TAF5L: variants seen among roughly 807,000 people sequenced by gnomAD.
TAF5L encodes TAF5-like RNA polymerase II p300/CBP-associated factor-associated factor 65 kDa subunit 5L.
Under a neutral mutation model 51.3 loss-of-function variants are expected in TAF5L, and 7 were observed. That is an observed-to-expected ratio of 0.14 (90% CI 0.08 to 0.26). The LOEUF (loss-of-function observed/expected upper bound fraction) is 0.26, where lower values mean the gene tolerates loss of function less well. Ranked by LOEUF, TAF5L falls within the 10% of genes least tolerant of loss-of-function variation. The pLI is 1.00. For missense variants in TAF5L, 575 were observed against 758.9 expected (o/e 0.76, Z 2.85); for synonymous variants, 291 against 308.1 (o/e 0.94, Z 0.58).
At chr1:229,605,759 G>A (rs1035205990) in intron 3 of TAF5L, among the ~76,000 whole-genome samples, 3 of 152,160 alleles carry the variant, frequency 2.0e-5, no homozygotes, top group African/African-American at 7.2e-5. Flanking sequence ...CCTAGTAGAA[G>A]GAATTCTGCC....
chr1:229,604,942 G>A (rs906420921), intron 3 of TAF5L, among the ~76,000 whole-genome samples: 1 of 151,926 alleles, frequency 6.6e-6, no homozygotes, highest in African/African-American at 2.4e-5. Context: ...TCGGATTACT[G>A]ACTTTATTTT....
intron 1 of TAF5L, among the ~76,000 whole-genome samples, chr1:229,616,720 C>T (rs1023948302): frequency 6.6e-6 from 1 of 152,078 alleles, no homozygotes; most frequent in African/African-American, 2.4e-5. Context: ...CTTTTCAATT[C>T]CCTACAAGTC....
intron 2 of TAF5L, among the ~76,000 whole-genome samples, chr1:229,611,461 G>A (rs558878996): frequency 9.9e-5 from 15 of 152,230 alleles, no homozygotes; most frequent in Admixed American, 3.3e-4. Context: ...GACTGAGGGC[G>A]CCATAACAGG....
chr1:229,602,405 G>A lies in TAF5L; in HGVS notation c.762C>T (p.Pro254=), dbSNP rs1269746240. 1 of 1,614,136 alleles carries A rather than the reference G, an allele frequency of 6.2e-7. No individual in the cohort carries two copies. Among genetic ancestry groups the A allele is most frequent in the Admixed American group, 1.7e-5 (1 of 60,024 alleles). ...CATAGAAGCAGATGGTAGTGAGGGA[G>A]GGAGGCCCATCCTTGACTCGCTTAA... is the stretch of plus-strand genomic sequence containing the variant. The change falls in exon 4 of 5, where the codon CCC becomes CCT. Residue 254 remains proline, a synonymous_variant. Transcript: ENST00000258281. The surrounding 1 kb of genome is among the most constrained non-coding windows in gnomAD (Gnocchi z 4.6).
At chr1:229,598,472 T>C (rs759595330) in intron 4 of TAF5L, among the ~76,000 whole-genome samples, 6 of 152,122 alleles carry the variant, frequency 3.9e-5, no homozygotes, top group East Asian at 3.8e-4. Context: ...GAAGACCAGA[T>C]TGGGGGCAAA....
chr1:229,614,303 C>T (rs1664894483), intron 2 of TAF5L, 38 bp downstream of exon 2: 2 of 1,614,116 alleles, frequency 1.2e-6, no homozygotes, highest in South Asian at 2.2e-5. Context: ...AGTTCTCCTG[C>T]TCCAGGCTCA....
At chr1:229,595,057 ATCT>A in exon 5 of TAF5L, 1 of 1,610,986 alleles carries the variant, frequency 6.2e-7, no homozygotes, top group Non-Finnish European at 8.5e-7. Flanking sequence ...GCCCCGCAGT[ATCT>A]TCATCTCCGT....
intron 2 of TAF5L, among the ~76,000 whole-genome samples, chr1:229,611,617 C>T (rs778912123): frequency 1.3e-5 from 2 of 152,132 alleles, no homozygotes; most frequent in Non-Finnish European, 2.9e-5. Context: ...CTTAGTTACT[C>T]TGTCACTAAG....
At chr1:229,617,675 A>G (rs1347629606) in intron 1 of TAF5L, among the ~76,000 whole-genome samples, 1 of 152,238 alleles carries the variant, frequency 6.6e-6, no homozygotes, top group Non-Finnish European at 1.5e-5. Flanking sequence ...AAGGTGCGAC[A>G]ATATACCTAT....
chr1:229,607,092 G>A, intron 3 of TAF5L: 1 of 985,390 alleles, frequency 1.0e-6, no homozygotes, highest in Non-Finnish European at 1.2e-6. Context: ...CCACTGTCAT[G>A]ACAATTTAAC....
At chr1:229,595,712 C>CTGGAGTGCAATGGTGTGA (rs1664097838) in intron 4 of TAF5L, among the ~76,000 whole-genome samples, 1 of 152,214 alleles carries the variant, frequency 6.6e-6, no homozygotes, top group African/African-American at 2.4e-5. Context: ...GTTGCCCAGG[C>CTGGAGTGCAATGGTGTGA]TGGAGTGCAA....
intron 3 of TAF5L, among the ~76,000 whole-genome samples, chr1:229,608,019 T>C (rs1342457976): frequency 6.6e-6 from 1 of 152,204 alleles, no homozygotes; most frequent in Non-Finnish European, 1.5e-5. Context: ...TAGACTATAA[T>C]CTTTTGAAAT....
chr1:229,602,885 A>G lies in TAF5L; in HGVS notation c.282T>C (p.Pro94=). The G allele has an allele frequency of 6.2e-7, 1 of 1,605,028 alleles. No homozygotes were observed. Among genetic ancestry groups the G allele is most frequent in the Non-Finnish European group, 8.5e-7 (1 of 1,179,178 alleles). ...GGTAGACAAAGAGAGGATAGAGGAG[A>G]GGCATCACTTCGTGGCTATGCTGGG... is the stretch of plus-strand genomic sequence containing the variant. Residue 94 remains proline, a synonymous_variant, in exon 4 of 5, where the codon CCT becomes CCC. Coordinates refer to ENST00000258281, the Ensembl canonical transcript of TAF5L. The surrounding 1 kb of genome is among the most constrained non-coding windows in gnomAD (Gnocchi z 4.6).
At chr1:229,623,399 C>G (rs983565436) in intron 1 of TAF5L, among the ~76,000 whole-genome samples, 23 of 152,214 alleles carry the variant, frequency 1.5e-4, no homozygotes, top group African/African-American at 5.3e-4. Flanking sequence ...CTCACTGGAC[C>G]AATCCTTGGT....
rs1306303681 is a variant in TAF5L, at chr1:229,625,735, G to A, written c.-4+150C>T. 3.4e-4 allele frequency: 16 copies of A among 46,748 alleles called. No homozygotes were observed. The highest frequency in any genetic ancestry group is 3.2e-3 in the Admixed American group (14 of 4,414). The allele number at this position is 46,748 out of a possible 1,614,324, so 2.9% of individuals were successfully genotyped here. On this transcript the variant is annotated intron_variant, in intron 1 of 4. Coordinates refer to ENST00000258281, the Ensembl canonical transcript of TAF5L. This position sits in a 1 kb window ranked among gnomAD's most constrained non-coding sequence, Gnocchi z 4.0. Reference sequence around the variant, plus strand: ...GCGCAGAGCCGCCCGCCGCCCCCCAGCCCCGCCTCCCGCGCCCCACCCCCA... The same window carrying A: ...GCGCAGAGCCGCCCGCCGCCCCCCAACCCCGCCTCCCGCGCCCCACCCCCA...
rs1664699496 is a variant in TAF5L, at chr1:229,609,026, A to G, written c.247+1080T>C. On this transcript the variant is annotated intron_variant, in intron 3 of 4. Coordinates refer to ENST00000258281, the Ensembl canonical transcript of TAF5L. ...CAAAAAAAAGAAAAAGAAGCAAATT[A>G]TCTGGCTTCTTTGAGCCTGTCTCCT... 6.6e-5 allele frequency among the ~76,000 whole-genome samples: 10 copies of G among 152,258 alleles called. No homozygotes were observed. The South Asian group carries it at 2.1e-3, about 32-fold the overall frequency.
intron 4 of TAF5L, chr1:229,601,587 G>A (rs147041119): frequency 1.0e-5 from 10 of 985,902 alleles, no homozygotes; most frequent in Non-Finnish European, 1.2e-5. Flanking sequence ...ACGGGGGGAG[G>A]GGAGCTGGCA....
Position 229,602,968 on chromosome 1 carries a change from A to G in TAF5L, c.248-49T>C. 2.6e-6 allele frequency: 4 copies of G among 1,524,004 alleles called. No individual in the cohort carries two copies. Among genetic ancestry groups the G allele is most frequent in the Non-Finnish European group, 3.5e-6 (4 of 1,147,424 alleles). 94.4% of individuals were successfully genotyped at this position (1,524,004 alleles called of 1,614,324 possible). A position where few individuals can be genotyped will look rare whatever the true frequency, so the allele number is the denominator to read the frequency against. ...TTTATAATCAGCATAATCTTACAGA[A>G]TAACGTGATCCCTCCTGGGGATCAC... On this transcript the variant is annotated intron_variant, in intron 3 of 4. Transcript: ENST00000258281. This position sits in a 1 kb window ranked among gnomAD's most constrained non-coding sequence, Gnocchi z 4.6.
chr1:229,598,291 A>G (rs1664205717), intron 4 of TAF5L, among the ~76,000 whole-genome samples: 1 of 152,258 alleles, frequency 6.6e-6, no homozygotes, highest in South Asian at 2.1e-4. Context: ...ACATCATTAA[A>G]ATTAACAAAT....
Sources: allele counts gnomAD v4.1 joint callset (sites outside exome capture counted in the v4.1 genomes callset), GRCh38; gene constraint gnomAD v4.1.1; non-coding constraint Gnocchi (gnomAD v3.1); transcripts MANE v1.5; gene names NCBI Gene and HGNC (gene_info 2026-07-23, HGNC 2026-07-21).